MED12L: variants seen among roughly 807,000 people sequenced by gnomAD.
The protein encoded by MED12L is mediator complex subunit 12L.
Under a neutral mutation model 281.3 loss-of-function variants are expected in MED12L, and 60 were observed. The ratio of observed to expected loss-of-function variants is 0.21; its 90% CI spans 0.17 to 0.26. The LOEUF is 0.26. Among genes scored for constraint, MED12L ranks in the 10% least tolerant of loss-of-function variants. MED12L has a pLI of 1.00. For missense variants in MED12L, 2,146 were observed against 2,680.9 expected, an observed-to-expected ratio of 0.80 and a Z score of 4.41; for synonymous variants, 974 against 987.2, an observed-to-expected ratio of 0.99 and a Z score of 0.25.
Position 151,435,075 on chromosome 3 carries a change from T to C in MED12L, c.*2271T>C, listed in dbSNP as rs1332426464. 2 of 150,940 alleles carry C rather than the reference T, an allele frequency of 1.3e-5. No individual in the cohort carries two copies. The highest frequency in any genetic ancestry group is 2.4e-5 in the African/African-American group (1 of 41,372). The allele number at this position is 150,940 out of a possible 1,614,324, so 9.4% of individuals were successfully genotyped here. On this transcript the variant is annotated 3_prime_UTR_variant, in exon 45 of 45. Transcript: ENST00000687756. Reference sequence around the variant, plus strand: ...CTTGAGAGGTTTCTTTTTTTTTTTTTTTTTTTTCTTTTCTTGCAAATGCAT... The same window carrying C: ...CTTGAGAGGTTTCTTTTTTTTTTTTCTTTTTTTCTTTTCTTGCAAATGCAT...
intron 16 of MED12L, among the ~76,000 whole-genome samples, chr3:151,315,416 T>C (rs1560018415): frequency 6.6e-6 from 1 of 152,222 alleles, no homozygotes; most frequent in East Asian, 1.9e-4. Flanking sequence ...GTTAGGGCAT[T>C]TTCTCAGTGT....
At chr3:151,385,362 C>T (rs1239484888) in intron 36 of MED12L, among the ~76,000 whole-genome samples, 171 bp downstream of exon 36, 1 of 151,854 alleles carries the variant, frequency 6.6e-6, no homozygotes, top group African/African-American at 2.4e-5. Context: ...ATAAAGAGGT[C>T]ATATCTTTGA....
chr3:151,126,282 A>T (rs1219714045), intron 4 of MED12L, among the ~76,000 whole-genome samples: 6 of 151,934 alleles, frequency 3.9e-5, no homozygotes, highest in Non-Finnish European at 8.8e-5. Context: ...GGCTCAAGTG[A>T]TCCACCTGCT....
chr3:151,223,012 T>G (rs984983260), intron 16 of MED12L, among the ~76,000 whole-genome samples: 5 of 152,136 alleles, frequency 3.3e-5, no homozygotes, highest in Non-Finnish European at 5.9e-5. Flanking sequence ...CATCTTATAT[T>G]TACTTAGAAT....
chr3:151,239,985 A>C (rs983763018), intron 16 of MED12L, among the ~76,000 whole-genome samples: 1 of 151,668 alleles, frequency 6.6e-6, no homozygotes, highest in Non-Finnish European at 1.5e-5. Context: ...TTGTTTATCT[A>C]CCCACCAGAT....
chr3:151,162,028 C>T (rs190076660), intron 8 of MED12L, among the ~76,000 whole-genome samples: 69 of 152,088 alleles, frequency 4.5e-4, no homozygotes, highest in African/African-American at 1.4e-3. Flanking sequence ...TTTTGAGAAA[C>T]GTGTTTATGA....
intron 16 of MED12L, among the ~76,000 whole-genome samples, chr3:151,221,137 C>G (rs538935284): frequency 6.6e-6 from 1 of 152,064 alleles, no homozygotes; most frequent in African/African-American, 2.4e-5. Context: ...CCTAGAGATT[C>G]GTGGAACTTT....
rs1316701997 is a variant in MED12L, at chr3:151,218,114, A to G, written c.2250+24448A>G. 3.3e-5 allele frequency among the ~76,000 whole-genome samples: 5 copies of G among 152,182 alleles called. No homozygotes were observed. In the East Asian group the frequency reaches 5.8e-4, roughly 18 times the overall value. On this transcript the variant is annotated intron_variant, in intron 16 of 44. Coordinates refer to ENST00000687756, the MANE Select transcript of MED12L (RefSeq NM_001393769.1). ...CATACAGGGACCTACAGAAACTTCA[A>G]ATCTTTCACAAATGAAGGAAATCGT...
At chr3:151,338,626 T>A in intron 16 of MED12L, 2 of 1,613,914 alleles carry the variant, frequency 1.2e-6, no homozygotes, top group Non-Finnish European at 8.5e-7. Context: ...AAAGTCAGAA[T>A]CATGAGAAGA....
chr3:151,248,456 A>G (rs767083084), intron 16 of MED12L, among the ~76,000 whole-genome samples: 12 of 152,102 alleles, frequency 7.9e-5, no homozygotes, highest in Non-Finnish European at 1.6e-4. Flanking sequence ...TTCTTTCTTC[A>G]GTATATTCGT....
Position 151,260,564 on chromosome 3 carries a change from C to T in MED12L, c.2250+66898C>T, listed in dbSNP as rs188823369. The stretch of plus-strand genomic sequence containing the variant: ...AGGGGTCTCACAATGTTGCCGTGGT[C>T]GGTCTCGAACTTCTGAACTCAAGTG... On this transcript the variant is annotated intron_variant, in intron 16 of 44. Coordinates refer to ENST00000687756, the MANE Select transcript of MED12L (RefSeq NM_001393769.1). Among the ~76,000 whole-genome samples, 16 of 152,076 alleles carry T rather than the reference C, an allele frequency of 1.1e-4. No homozygotes were observed. In the East Asian group the frequency reaches 1.2e-3, roughly 11 times the overall value.
chr3:151,365,831 T>C lies in MED12L; in HGVS notation c.3186-19T>C, dbSNP rs756812917. ...CTTTTGTACAAGGTTACTTTCTGTG[T>C]CTTCTTTTTCTTTTCTAGGATTAAC... On this transcript the variant is annotated intron_variant, in intron 22 of 44. Coordinates refer to ENST00000687756, the MANE Select transcript of MED12L (RefSeq NM_001393769.1). 2 of 1,588,276 alleles carry C rather than the reference T, an allele frequency of 1.3e-6. No homozygotes were observed. Among genetic ancestry groups the C allele is most frequent in the Non-Finnish European group, 1.7e-6 (2 of 1,166,892 alleles).
At position 151,152,085 on chromosome 3, in the gene MED12L, G is replaced by GTTTTT. The variant is rs141353889; in HGVS notation, c.557-4049_557-4045dup. Among the ~76,000 whole-genome samples, 175 of 63,016 alleles carry GTTTTT rather than the reference G, an allele frequency of 2.8e-3. 15 individuals carry two copies. Among genetic ancestry groups the GTTTTT allele is most frequent in the African/African-American group, 6.5e-3 (104 of 16,008 alleles). The allele number at this position is 63,016 out of a possible 152,430, so 41.3% of individuals were successfully genotyped here. On this transcript the variant is annotated intron_variant, in intron 5 of 44. Coordinates refer to ENST00000687756, the MANE Select transcript of MED12L (RefSeq NM_001393769.1). The stretch of plus-strand genomic sequence containing the variant: ...AAGAATTGTGGATCAGTTGAAGGTG[G>GTTTTT]TTTTTTTTTTTTTTTTTTTTTTTTT...
At chr3:151,360,784 C>A (rs1369005097) in intron 21 of MED12L, among the ~76,000 whole-genome samples, 179 bp downstream of exon 21, 1 of 152,088 alleles carries the variant, frequency 6.6e-6, no homozygotes, top group Admixed American at 6.6e-5. Flanking sequence ...AGGGACAATA[C>A]ACGATAGTCT....
intron 39 of MED12L, among the ~76,000 whole-genome samples, chr3:151,408,331 C>T (rs550173450): frequency 6.6e-6 from 1 of 152,136 alleles, no homozygotes; most frequent in South Asian, 2.1e-4. Flanking sequence ...CCCTTTCTCC[C>T]TGCTAGAAAT....
In MED12L at chr3:151,161,834, T is replaced by TTA. The variant is rs1214625027; in HGVS notation, c.1107+1734_1107+1735dup. Among the ~76,000 whole-genome samples, 4 of 152,198 alleles carry TTA rather than the reference T, an allele frequency of 2.6e-5. No individual in the cohort carries two copies. The South Asian group carries it at 6.2e-4, about 24-fold the overall frequency. ...GTCTGCAGAAAGTTTCAAAAAGGAA[T>TTA]TAGTAGTGGGCAATGTGTAGAGTAT... is the stretch of plus-strand genomic sequence containing the variant. On this transcript the variant is annotated intron_variant, in intron 8 of 44. Coordinates refer to ENST00000687756, the MANE Select transcript of MED12L (RefSeq NM_001393769.1).
chr3:151,169,122 G>GTTT (rs1179594098), intron 11 of MED12L, among the ~76,000 whole-genome samples: 4 of 82,568 alleles, frequency 4.8e-5, no homozygotes, highest in East Asian at 3.4e-4. Context: ...TTTTTTTTTT[G>GTTT]TTTTTTTTTT....
chr3:151,338,204 T>A (rs779688496), intron 16 of MED12L: 2 of 1,614,138 alleles, frequency 1.2e-6, no homozygotes, highest in East Asian at 2.2e-5. Flanking sequence ...GGTACAGTTC[T>A]TTTGTAATGA....
intron 11 of MED12L, among the ~76,000 whole-genome samples, chr3:151,182,775 G>C (rs1361254089): frequency 6.6e-6 from 1 of 152,174 alleles, no homozygotes; most frequent in Non-Finnish European, 1.5e-5. Context: ...GATGAGCTTA[G>C]TTTGGGATCA....
Sources: gnomAD v4.1 joint callset for allele counts (sites outside exome capture counted in the v4.1 genomes callset) on GRCh38, gnomAD v4.1.1 for gene constraint, MANE v1.5 for transcripts, NCBI Gene and HGNC (gene_info 2026-07-23, HGNC 2026-07-21) for gene names.